Variants in FOXK2 observed in about 807,000 individuals in gnomAD.
FOXK2 encodes forkhead box K2.
FOXK2 carries 24 observed loss-of-function variants against 53.3 expected under a neutral mutation model. The ratio of observed to expected loss-of-function variants is 0.45; its 90% CI spans 0.33 to 0.63. The LOEUF (loss-of-function observed/expected upper bound fraction) is 0.63, where lower values mean the gene tolerates loss of function less well. Ranked by LOEUF, FOXK2 falls within the 30% of genes least tolerant of loss-of-function variation. The pLI is 0.03. For missense variants in FOXK2, 952 were observed against 910.5 expected (o/e 1.05, Z -0.59); for synonymous variants, 505 against 407.1 (o/e 1.24, Z -2.89).
At chr17:82,537,069 C>T (rs893722242) in intron 1 of FOXK2, among the ~76,000 whole-genome samples, 4 of 152,066 alleles carry the variant, frequency 2.6e-5, no homozygotes, top group Non-Finnish European at 4.4e-5. Flanking sequence ...GAATATAAAG[C>T]TTAGCGGTTG....
intron 1 of FOXK2, among the ~76,000 whole-genome samples, chr17:82,524,439 A>T (rs1409351555): frequency 6.6e-6 from 1 of 152,210 alleles, no homozygotes; most frequent in Non-Finnish European, 1.5e-5. Flanking sequence ...TAATGTATTA[A>T]TGTGGGGGAA....
chr17:82,555,310 G>A (rs1335565909), intron 1 of FOXK2, among the ~76,000 whole-genome samples: 1 of 152,246 alleles, frequency 6.6e-6, no homozygotes, highest in African/African-American at 2.4e-5. Flanking sequence ...GAAGACACAG[G>A]TCCCAGGAGG....
intron 8 of FOXK2, among the ~76,000 whole-genome samples, chr17:82,594,229 C>T (rs924202644): frequency 1.3e-5 from 2 of 152,136 alleles, no homozygotes; most frequent in Non-Finnish European, 2.9e-5. Flanking sequence ...CCGGGCACGG[C>T]GGCTCACACC....
At chr17:82,576,099 T>G (rs1598221723) in intron 4 of FOXK2, among the ~76,000 whole-genome samples, 1 of 27,074 alleles carries the variant, frequency 3.7e-5, no homozygotes, top group Non-Finnish European at 6.5e-5. Context: ...TGTGCTCGGG[T>G]GGCGGCGGCG....
chr17:82,520,285 C>T lies in FOXK2; in HGVS notation c.397C>T (p.Pro133Ser). Residue 133 changes from proline (P) to serine (S), a missense_variant, in exon 1 of 9, where the codon CCG becomes TCG. Transcript: ENST00000335255. The part of the protein sequence containing the change: ...VDGVFQRRGA[P>S]PLQLPRVCTF... ...CGGCGTGTTCCAGAGGCGCGGGGCG[C>T]CGCCGCTGCAGCTGCCGCGCGTGTG... 7.9e-7 allele frequency: 1 copy of T among 1,268,834 alleles called. No homozygotes were observed. Among genetic ancestry groups the T allele is most frequent in the Non-Finnish European group, 1.0e-6 (1 of 1,003,022 alleles). 78.6% of individuals were successfully genotyped at this position (1,268,834 alleles called of 1,614,324 possible).
intron 4 of FOXK2, among the ~76,000 whole-genome samples, chr17:82,574,761 G>A (rs2044963998): frequency 6.6e-6 from 1 of 152,154 alleles, no homozygotes; most frequent in African/African-American, 2.4e-5. Flanking sequence ...CCTCCCTCCT[G>A]GCTTACAACA....
intron 1 of FOXK2, among the ~76,000 whole-genome samples, chr17:82,540,266 A>T (rs2044561590): frequency 6.7e-6 from 1 of 149,928 alleles, no homozygotes; most frequent in Non-Finnish European, 1.5e-5. Context: ...GGGCAACAAG[A>T]GCGAAACTGT....
At chr17:82,582,114 CTG>C (rs1023041755) in intron 4 of FOXK2, among the ~76,000 whole-genome samples, 10 of 152,214 alleles carry the variant, frequency 6.6e-5, no homozygotes, top group Admixed American at 6.5e-4. Flanking sequence ...TAAGCTAATT[CTG>C]TGCGAAAAAG....
intron 8 of FOXK2, among the ~76,000 whole-genome samples, chr17:82,597,761 C>T (rs867509245): frequency 8.5e-5 from 13 of 152,172 alleles, no homozygotes; most frequent in African/African-American, 3.1e-4. Context: ...AGCAATTCTC[C>T]TGCCTCAGCC....
chr17:82,598,590 G>A (rs1189870538), intron 8 of FOXK2, among the ~76,000 whole-genome samples: 3 of 152,224 alleles, frequency 2.0e-5, no homozygotes, highest in Non-Finnish European at 4.4e-5. Context: ...TGGTGATGGG[G>A]TGAAGGCATA....
intron 8 of FOXK2, among the ~76,000 whole-genome samples, chr17:82,597,588 G>A (rs1010027382): frequency 2.6e-5 from 4 of 152,200 alleles, no homozygotes; most frequent in Admixed American, 1.3e-4. Flanking sequence ...GGAGTACCTC[G>A]CGACAGAGGC....
intron 1 of FOXK2, among the ~76,000 whole-genome samples, chr17:82,540,039 G>A (rs922810945): frequency 2.6e-5 from 4 of 152,122 alleles, no homozygotes; most frequent in Non-Finnish European, 5.9e-5. Flanking sequence ...TCAGCACTTT[G>A]GGAGGCCAAG....
chr17:82,554,030 C>T (rs2044700957), intron 1 of FOXK2, among the ~76,000 whole-genome samples: 1 of 152,144 alleles, frequency 6.6e-6, no homozygotes, highest in Non-Finnish European at 1.5e-5. Context: ...GATGGGGTTT[C>T]ACCATGTTAG....
chr17:82,568,791 C>G (rs865795776), intron 3 of FOXK2, among the ~76,000 whole-genome samples: 2 of 152,264 alleles, frequency 1.3e-5, no homozygotes, highest in Non-Finnish European at 1.5e-5. Flanking sequence ...GGGGGGATCA[C>G]TTGAGGTCAG....
In FOXK2 at chr17:82,601,758, ACT is replaced by A. The variant is rs142616980; in HGVS notation, c.*262_*263del. 3.4e-3 allele frequency: 1,339 copies of A among 391,702 alleles called. 16 individuals carry two copies. The highest frequency in any genetic ancestry group is 0.023 in the African/African-American group (1,149 of 50,382). 24.3% of individuals were successfully genotyped at this position (391,702 alleles called of 1,614,324 possible). A position where few individuals can be genotyped will look rare whatever the true frequency, so the allele number is the denominator to read the frequency against. ...GGCTGAGCTTCTACCTACGAGTGAA[ACT>A]CTGTCCTCCCGCGAGGACCAGGCAT... On this transcript the variant is annotated 3_prime_UTR_variant, in exon 9 of 9. Coordinates refer to ENST00000335255, the MANE Select transcript of FOXK2 (RefSeq NM_004514.4).
At chr17:82,535,815 T>C (rs1449642726) in intron 1 of FOXK2, among the ~76,000 whole-genome samples, 1 of 151,404 alleles carries the variant, frequency 6.6e-6, no homozygotes, top group Non-Finnish European at 1.5e-5. Context: ...TGGCGCGATC[T>C]GGGCTCACTG....
In FOXK2 at chr17:82,601,417, CAG is replaced by C. The variant is rs978730845; in HGVS notation, c.1903_1904del (p.Glu635ArgfsTer34). On this transcript the variant is annotated frameshift_variant, in exon 9 of 9. Transcript: ENST00000335255. LOFTEE classifies it low-confidence loss of function (END_TRUNC). ...CAGCCGGAGCTGAAGCGGATCAAGACAGAAGACGGCGAGGGCATCGTCATTGC... is the reference window on the plus strand; with the variant it reads ...CAGCCGGAGCTGAAGCGGATCAAGACAAGACGGCGAGGGCATCGTCATTGC... 2.5e-6 allele frequency: 4 copies of C among 1,612,998 alleles called. No homozygotes were observed. The highest frequency in any genetic ancestry group is 3.4e-6 in the Non-Finnish European group (4 of 1,180,022).
At chr17:82,549,088 C>A (rs1303570530) in intron 1 of FOXK2, among the ~76,000 whole-genome samples, 1 of 152,218 alleles carries the variant, frequency 6.6e-6, no homozygotes, top group African/African-American at 2.4e-5. Flanking sequence ...TAAAACACAT[C>A]CCGAATGACT....
At chr17:82,587,631 A>G (rs755773805) in intron 8 of FOXK2, 12 of 351,598 alleles carry the variant, frequency 3.4e-5, no homozygotes, top group Non-Finnish European at 5.5e-5. Flanking sequence ...TGGCGGTGCT[A>G]TGCTGCTGAG....
Sources: gnomAD v4.1 joint callset for allele counts (sites outside exome capture counted in the v4.1 genomes callset) on GRCh38, gnomAD v4.1.1 for gene constraint, MANE v1.5 for transcripts, NCBI Gene and HGNC (gene_info 2026-07-23, HGNC 2026-07-21) for gene names.